Variants in GEMIN2 observed in about 807,000 individuals in gnomAD.
GEMIN2 encodes the protein gem-associated protein 2.
GEMIN2 carries 37 observed loss-of-function variants against 45.8 expected under a neutral mutation model. The ratio of observed to expected loss-of-function variants is 0.81; its 90% CI spans 0.62 to 1.06. The LOEUF is 1.06. Among genes scored for constraint, GEMIN2 ranks in the 50% least tolerant of loss-of-function variants. The pLI, the probability that GEMIN2 is intolerant of heterozygous loss-of-function variation, is 0.00. For missense variants in GEMIN2, 335 were observed against 321.8 expected (o/e 1.04, Z -0.31); for synonymous variants, 101 against 111.5 (o/e 0.91, Z 0.60).
At chr14:39,122,361 C>CTT (rs61692397) in intron 4 of GEMIN2, 69 bp from the exon 5 acceptor site, 866 of 723,826 alleles carry the variant, frequency 1.2e-3, no homozygotes, top group Non-Finnish European at 1.5e-3. Context: ...GACTTAACTT[C>CTT]TTTTTTTTTA....
intron 5 of GEMIN2, among the ~76,000 whole-genome samples, chr14:39,123,709 T>TATATATATATATATATATATATA (rs60209051): frequency 6.9e-5 from 2 of 28,984 alleles, no homozygotes; most frequent in East Asian, 1.1e-3. Context: ...TATATATATA[T>TATATATATATATATATATATATA]TTTTTTTTTT....
chr14:39,114,412 T>A lies in GEMIN2; in HGVS notation c.74T>A (p.Leu25Ter). The A allele has an allele frequency of 6.2e-7, 1 of 1,614,000 alleles. No homozygotes were observed. Among genetic ancestry groups the A allele is most frequent in the Non-Finnish European group, 8.5e-7 (1 of 1,179,826 alleles). ...CTATTGCCGGTAGAGCCTTGCGACT[T>A]GACGGAAGGTTTCGATCCCTCGGTA... ...PRLLPVEPCDLTEGFDPSVPP... is the reference protein window; with the variant it reads ...PRLLPVEPCD Residue 25 changes from leucine to a stop codon, truncating the protein, a stop_gained, in exon 1 of 10, where the codon TTG (leucine) becomes TAG (stop). Coordinates refer to ENST00000308317, the MANE Select transcript of GEMIN2 (RefSeq NM_003616.3). LOFTEE classifies it high-confidence loss of function.
intron 2 of GEMIN2, 41 bp downstream of exon 2, chr14:39,114,954 CA>C (rs1384637966): frequency 2.3e-6 from 2 of 887,760 alleles, no homozygotes; most frequent in Non-Finnish European, 3.9e-6. Context: ...CCCAACCCCC[CA>C]ATTAAAAGAC....
rs370426877 is a variant in GEMIN2 at position 39,131,487 on chromosome 14, T to C, written c.601-471T>C. On this transcript the variant is annotated intron_variant, in intron 7 of 9. Transcript: ENST00000308317. ...CATTTTAAAAGGGAGTGGGGATACA[T>C]TGAGCCTGTCAAAGTATTTATAAAA... Among the ~76,000 whole-genome samples, 43 of 152,310 alleles carry C rather than the reference T, an allele frequency of 2.8e-4. No individual in the cohort carries two copies. In the South Asian group the frequency reaches 8.1e-3, roughly 29 times the overall value.
chr14:39,125,772 G>A (rs61999429), intron 6 of GEMIN2, among the ~76,000 whole-genome samples: 35,584 of 151,766 alleles, frequency 0.23, 4,332 homozygotes, highest in East Asian at 0.39. Flanking sequence ...CTGTAATCCC[G>A]GCACTTTGGG....
chr14:39,118,005 G>A lies in GEMIN2; in HGVS notation c.229G>A (p.Gly77Arg). The change falls in exon 3 of 10, where the codon GGA (glycine) becomes AGA (arginine). Residue 77 changes from glycine (G) to arginine (R), a missense_variant. By Grantham distance (125) the Gly-to-Arg change is moderately radical. Coordinates refer to ENST00000308317, the MANE Select transcript of GEMIN2 (RefSeq NM_003616.3). ...RKQSVNISLS[G>R]CQPAPEGYSP... ...TTGTGAACTTGATCTCTAGCTTTCA[G>A]GATGCCAACCCGCCCCTGAAGGTTA... 6.3e-7 allele frequency: 1 copy of A among 1,592,250 alleles called. No individual in the cohort carries two copies. The highest frequency in any genetic ancestry group is 1.3e-5 in the African/African-American group (1 of 74,362).
rs2139360702 is a variant in GEMIN2 at position 39,133,699 on chromosome 14, A to T, written c.750A>T (p.Leu250Phe). 1 of 1,532,662 alleles carries T rather than the reference A, an allele frequency of 6.5e-7. No individual in the cohort carries two copies. 94.9% of individuals were successfully genotyped at this position (1,532,662 alleles called of 1,614,324 possible). ...KDDERVPALN[L>F]LICLVSRYFD... ...ATGAGAGGGTTCCTGCTTTGAATTT[A>T]TTAATCTGCTTGGTTAGCAGGTATA... is the stretch of plus-strand genomic sequence containing the variant. The change falls in exon 9 of 10, where the codon TTA becomes TTT. Residue 250 changes from leucine to phenylalanine, a missense_variant. By Grantham distance (22) the Leu-to-Phe change is conservative. Coordinates refer to ENST00000308317, the MANE Select transcript of GEMIN2 (RefSeq NM_003616.3).
chr14:39,118,521 C>CT lies in GEMIN2; in HGVS notation c.313-18dup. 2 of 1,222,092 alleles carry CT rather than the reference C, an allele frequency of 1.6e-6. No individual in the cohort carries two copies. The highest frequency in any genetic ancestry group is 2.4e-6 in the Non-Finnish European group (2 of 823,546). The allele number at this position is 1,222,092 out of a possible 1,614,324, so 75.7% of individuals were successfully genotyped here. On this transcript the variant is annotated intron_variant, in intron 3 of 9. Transcript: ENST00000308317. ...TTTTTTGAAGAGTACCATCTAATGT[C>CT]TAAGTTTTCTTCCTTTAGAATGTGA...
chr14:39,114,941 ACCCC>A, intron 2 of GEMIN2, 28 bp downstream of exon 2: 1 of 970,866 alleles, frequency 1.0e-6, no homozygotes, highest in East Asian at 2.4e-5. Context: ...TCTGGAGATT[ACCCC>A]CAACCCCCCA....
chr14:39,114,355 C>A lies in GEMIN2; in HGVS notation c.17C>A (p.Ala6Glu). 1 of 1,613,718 alleles carries A rather than the reference C, an allele frequency of 6.2e-7. No homozygotes were observed. The highest frequency in any genetic ancestry group is 1.3e-5 in the African/African-American group (1 of 75,046). MAWVP[A>E]ESAVEELMPR... ...TTGAAAACCATGGCGTGGGTACCAG[C>A]GGAGTCCGCAGTGGAAGAGTTGATG... is the stretch of plus-strand genomic sequence containing the variant. The change falls in exon 1 of 10, where the codon GCG (alanine) becomes GAG (glutamate). Residue 6 changes from alanine to glutamate, a missense_variant. By Grantham distance (107) the Ala-to-Glu change is moderately radical. Transcript: ENST00000308317.
At chr14:39,117,959 C>A in intron 2 of GEMIN2, 40 bp from the exon 3 acceptor site, 1 of 1,018,574 alleles carries the variant, frequency 9.8e-7, no homozygotes, top group Non-Finnish European at 1.5e-6. Flanking sequence ...CTAGTTTTGA[C>A]ACTAATGTTG....
intron 7 of GEMIN2, among the ~76,000 whole-genome samples, chr14:39,129,985 G>T (rs142633167): frequency 0.015 from 1,850 of 127,228 alleles, 52 homozygotes; most frequent in African/African-American, 0.053. Context: ...CTGTCACCCA[G>T]GCTGCAGTGC....
At chr14:39,132,115 T>C (rs780580643) in intron 8 of GEMIN2, 47 bp downstream of exon 8, 1 of 851,998 alleles carries the variant, frequency 1.2e-6, no homozygotes, top group Non-Finnish European at 2.0e-6. Flanking sequence ...CACCAATTTA[T>C]ATGGTGGTAA....
chr14:39,132,675 TTTTTTTTTTTTC>T (rs1176091764), intron 8 of GEMIN2, among the ~76,000 whole-genome samples: 11 of 57,994 alleles, frequency 1.9e-4, no homozygotes, highest in African/African-American at 5.8e-4. Flanking sequence ...TTTTTTTTTT[TTTTTTTTTTTTC>T]TTTTATTGTG....
intron 4 of GEMIN2, among the ~76,000 whole-genome samples, chr14:39,120,074 C>T (rs1029155708): frequency 5.9e-5 from 9 of 152,064 alleles, no homozygotes; most frequent in Non-Finnish European, 1.2e-4. Flanking sequence ...AAAAAGAAGC[C>T]ACATCAGTAA....
chr14:39,126,270 T>C (rs1281594348), intron 6 of GEMIN2, among the ~76,000 whole-genome samples: 5 of 151,484 alleles, frequency 3.3e-5, no homozygotes, highest in Non-Finnish European at 7.4e-5. Context: ...GTCTTGTACT[T>C]TGGGGCTCAG....
intron 7 of GEMIN2, among the ~76,000 whole-genome samples, chr14:39,130,467 T>C (rs1472879888): frequency 6.6e-6 from 1 of 152,200 alleles, no homozygotes; most frequent in African/African-American, 2.4e-5. Context: ...TTGATGAATA[T>C]ACATACCCTT....
At position 39,133,288 on chromosome 14, in the gene GEMIN2, TAC is replaced by T. The variant is rs571427318; in HGVS notation, c.712-371_712-370del. ...TTATTATATATGAATACATATTCACTACAGTTAAGACACATATATAATATATA... is the reference window on the plus strand; with the variant it reads ...TTATTATATATGAATACATATTCACTAGTTAAGACACATATATAATATATA... On this transcript the variant is annotated intron_variant, in intron 8 of 9. Coordinates refer to ENST00000308317, the MANE Select transcript of GEMIN2 (RefSeq NM_003616.3). 5.7e-3 allele frequency among the ~76,000 whole-genome samples: 674 copies of T among 117,838 alleles called. 7 individuals carry two copies. Among genetic ancestry groups the T allele is most frequent in the African/African-American group, 0.021 (647 of 31,338 alleles). The allele number at this position is 117,838 out of a possible 152,430, so 77.3% of individuals were successfully genotyped here. A position where few individuals can be genotyped will look rare whatever the true frequency, so the allele number is the denominator to read the frequency against.
chr14:39,127,462 C>T (rs1474716445), intron 6 of GEMIN2, among the ~76,000 whole-genome samples: 1 of 150,682 alleles, frequency 6.6e-6, no homozygotes, highest in Admixed American at 6.7e-5. Flanking sequence ...CCGGCCTCAG[C>T]CTCCCTAGTA....
Sources: allele counts gnomAD v4.1 joint callset (sites outside exome capture counted in the v4.1 genomes callset), GRCh38; gene constraint gnomAD v4.1.1; transcripts MANE v1.5; gene names NCBI Gene and HGNC (gene_info 2026-07-23, HGNC 2026-07-21).